Variants in NCAPG observed in about 807,000 individuals in gnomAD.
NCAPG encodes non-SMC condensin I complex subunit G.
A neutral mutation model predicts 113.1 loss-of-function variants in NCAPG; 69 were observed. The ratio of observed to expected loss-of-function variants is 0.61; its 90% CI spans 0.50 to 0.75. The LOEUF is 0.75. Among genes scored for constraint, NCAPG ranks in the 30% least tolerant of loss-of-function variants. NCAPG has a pLI of 0.00. For synonymous variants in NCAPG, 370 were observed against 415.8 expected (o/e 0.89, Z 1.34); for missense variants, 1,058 against 1,177.0 (o/e 0.90, Z 1.48).
intron 8 of NCAPG, 137 bp downstream of exon 8, chr4:17,823,260 C>T: frequency 3.0e-6 from 2 of 675,838 alleles, no homozygotes; most frequent in Non-Finnish European, 4.8e-6. Flanking sequence ...TTCCCTTCTA[C>T]ATATTTCCAT....
At chr4:17,830,852 G>A (rs1208476666) in intron 12 of NCAPG, 145 bp from the exon 13 acceptor site, 6 of 740,776 alleles carry the variant, frequency 8.1e-6, no homozygotes, top group South Asian at 5.8e-5. Flanking sequence ...ATTTCAGGAA[G>A]GTCACTCTGG....
chr4:17,830,220 C>T (rs1721805651), intron 12 of NCAPG, among the ~76,000 whole-genome samples: 1 of 151,802 alleles, frequency 6.6e-6, no homozygotes, highest in Admixed American at 6.6e-5. Context: ...GGTGAAACCC[C>T]ATCTCTGCAA....
chr4:17,839,560 T>A (rs1045350849), intron 16 of NCAPG, 116 bp from the exon 17 acceptor site: 2 of 748,000 alleles, frequency 2.7e-6, no homozygotes, highest in African/African-American at 3.7e-5. Flanking sequence ...GTTTTAGACA[T>A]TTTATATTTG....
chr4:17,843,799 A>C lies in NCAPG; in HGVS notation c.*374A>C, dbSNP rs1228949257. On this transcript the variant is annotated 3_prime_UTR_variant, in exon 21 of 21. Coordinates refer to ENST00000251496, the MANE Select transcript of NCAPG (RefSeq NM_022346.5). ...GAAGCTTATGACTTAGATGGGCAGA[A>C]TCAACAAAGATGAAACCGCCTGAGG... 1 of 157,542 alleles carries C rather than the reference A, an allele frequency of 6.3e-6. No individual in the cohort carries two copies. The highest frequency in any genetic ancestry group is 2.4e-5 in the African/African-American group (1 of 41,542). The allele number at this position is 157,542 out of a possible 1,614,324, so 9.8% of individuals were successfully genotyped here.
Position 17,837,231 on chromosome 4 carries a change from A to T in NCAPG, c.2182A>T (p.Arg728Trp). ...GTTCTCTGGGCTTTTGGTCAGCAGC[A>T]GGATTCTTTCTCGTCTTATTTTGTT... ...LMFSGLLVSSRILSRLILLWY... is the reference protein window; with the variant it reads ...LMFSGLLVSSWILSRLILLWY... Residue 728 changes from arginine to tryptophan, a missense_variant, in exon 15 of 21, where the codon AGG becomes TGG. By Grantham distance (101) the Arg-to-Trp change is moderately radical. Coordinates refer to ENST00000251496, the MANE Select transcript of NCAPG (RefSeq NM_022346.5). The T allele has an allele frequency of 6.2e-7, 1 of 1,614,072 alleles. No homozygotes were observed.
intron 7 of NCAPG, among the ~76,000 whole-genome samples, chr4:17,821,604 T>C (rs1309219918): frequency 6.6e-6 from 1 of 151,440 alleles, no homozygotes; most frequent in African/African-American, 2.4e-5. Context: ...GCTGGGATTA[T>C]AGGTGCCTGC....
At chr4:17,826,986 A>C (rs1721680131) in intron 11 of NCAPG, among the ~76,000 whole-genome samples, 1 of 152,354 alleles carries the variant, frequency 6.6e-6, no homozygotes, top group South Asian at 2.1e-4. Context: ...ACTTGCCCAA[A>C]ATCACACAGA....
chr4:17,833,027 TC>T (rs1199342618), intron 13 of NCAPG, among the ~76,000 whole-genome samples: 1 of 152,162 alleles, frequency 6.6e-6, no homozygotes, highest in African/African-American at 2.4e-5. Context: ...ATTTATTTGT[TC>T]TAAAAGCCAA....
intron 14 of NCAPG, 33 bp from the exon 15 acceptor site, chr4:17,837,126 T>C (rs755265795): frequency 6.3e-7 from 1 of 1,597,206 alleles, no homozygotes; most frequent in East Asian, 2.2e-5. Context: ...GAGATACAAA[T>C]AAATTTCTTC....
At position 17,814,802 on chromosome 4, in the gene NCAPG, T is replaced by C. The variant is rs940520075; in HGVS notation, c.545-51T>C. ...CAAAATGTGTGTTATTTTATGACTGTAGTTAAATAAATAATTTCATCAGTA... is the reference window on the plus strand; with the variant it reads ...CAAAATGTGTGTTATTTTATGACTGCAGTTAAATAAATAATTTCATCAGTA... On this transcript the variant is annotated intron_variant, in intron 3 of 20. Transcript: ENST00000251496. The C allele has an allele frequency of 2.0e-6, 3 of 1,534,488 alleles. No individual in the cohort carries two copies. The African/African-American group carries it at 4.1e-5, about 21-fold the overall frequency.
In NCAPG at chr4:17,812,908, C is replaced by T. The variant is rs779967356; in HGVS notation, c.316-9C>T. On this transcript the variant is annotated splice_polypyrimidine_tract_variant and intron_variant, in intron 2 of 20. Coordinates refer to ENST00000251496, the MANE Select transcript of NCAPG (RefSeq NM_022346.5). The stretch of plus-strand genomic sequence containing the variant: ...ACTATGAATAAATTTTGATTTGTTT[C>T]TGTTTTAGTCTCATGAAGCAAACAG... 4.4e-6 allele frequency: 7 copies of T among 1,608,408 alleles called. No individual in the cohort carries two copies. The highest frequency in any genetic ancestry group is 6.0e-6 in the Non-Finnish European group (7 of 1,175,636).
chr4:17,814,831 A>C lies in NCAPG; in HGVS notation c.545-22A>C, dbSNP rs777665963. 1.4e-5 allele frequency: 23 copies of C among 1,605,920 alleles called. No individual in the cohort carries two copies. The South Asian group carries it at 2.3e-4, about 16-fold the overall frequency. On this transcript the variant is annotated intron_variant, in intron 3 of 20. Transcript: ENST00000251496. ...TAAATAAATAATTTCATCAGTACTA[A>C]AATGTATTGCTTTATTTTTAGCATA...
intron 5 of NCAPG, 104 bp downstream of exon 5, chr4:17,815,462 GTCCCA>G (rs1316631309): frequency 1.4e-6 from 1 of 734,234 alleles, no homozygotes; most frequent in African/African-American, 1.9e-5. Context: ...AAGCCTGCCA[GTCCCA>G]TGAACCTGGT....
At chr4:17,815,162 C>A in intron 4 of NCAPG, 112 bp from the exon 5 acceptor site, 1 of 1,231,070 alleles carries the variant, frequency 8.1e-7, no homozygotes, top group Non-Finnish European at 1.1e-6. Context: ...AGTATGTTAC[C>A]AGGTATTAAT....
At chr4:17,832,260 T>C (rs1721893551) in intron 13 of NCAPG, among the ~76,000 whole-genome samples, 1 of 152,302 alleles carries the variant, frequency 6.6e-6, no homozygotes, top group South Asian at 2.1e-4. Context: ...GCAGGGATAC[T>C]AATAAGGAGG....
At chr4:17,820,412 C>T (rs1189001827) in intron 7 of NCAPG, among the ~76,000 whole-genome samples, 1 of 151,970 alleles carries the variant, frequency 6.6e-6, no homozygotes, top group Non-Finnish European at 1.5e-5. Context: ...CCATCCTAGC[C>T]AACATAGTGA....
In NCAPG at chr4:17,812,324, C is replaced by T; in HGVS notation, c.215C>T (p.Ala72Val). Residue 72 changes from alanine (A) to valine (V), a missense_variant, in exon 2 of 21, where the codon GCA becomes GTA. Transcript: ENST00000251496. Reference protein sequence around the residue: ...EPAVERVIEFAAKFVTSFHQS... With the variant: ...EPAVERVIEFVAKFVTSFHQS... ...GCTGTGGAGAGGGTAATAGAATTTGCAGCAAAGTTTGTTACCTCATTTCAC... is the reference window on the plus strand; with the variant it reads ...GCTGTGGAGAGGGTAATAGAATTTGTAGCAAAGTTTGTTACCTCATTTCAC... 1 of 1,613,638 alleles carries T rather than the reference C, an allele frequency of 6.2e-7. No individual in the cohort carries two copies. The highest frequency in any genetic ancestry group is 1.3e-5 in the African/African-American group (1 of 74,972).
At position 17,815,101 on chromosome 4, in the gene NCAPG, T is replaced by C. The variant is rs987903923; in HGVS notation, c.690+103T>C. 67 of 1,479,188 alleles carry C rather than the reference T, an allele frequency of 4.5e-5. No homozygotes were observed. In the Middle Eastern group the frequency reaches 1.8e-3, roughly 39 times the overall value. The allele number at this position is 1,479,188 out of a possible 1,614,324, so 91.6% of individuals were successfully genotyped here. A position where few individuals can be genotyped will look rare whatever the true frequency, so the allele number is the denominator to read the frequency against. On this transcript the variant is annotated intron_variant, in intron 4 of 20. Coordinates refer to ENST00000251496, the MANE Select transcript of NCAPG (RefSeq NM_022346.5). ...ACTTGGCATGTAATAATTTCTTCAG[T>C]TGAGGTTTTATGGAGAACACAGGTA...
Position 17,822,887 on chromosome 4 carries a change from G to C in NCAPG, c.1119-96G>C. ...CATAGATATGTATTTAGACGAATATGACCTGAAAATGGCCCTTTTCTGACC... is the reference window on the plus strand; with the variant it reads ...CATAGATATGTATTTAGACGAATATCACCTGAAAATGGCCCTTTTCTGACC... On this transcript the variant is annotated intron_variant, in intron 7 of 20. Coordinates refer to ENST00000251496, the MANE Select transcript of NCAPG (RefSeq NM_022346.5). 5.5e-6 allele frequency: 5 copies of C among 915,054 alleles called. No homozygotes were observed. In the South Asian group the frequency reaches 9.9e-5, roughly 18 times the overall value. The allele number at this position is 915,054 out of a possible 1,614,324, so 56.7% of individuals were successfully genotyped here.
Sources: allele counts gnomAD v4.1 joint callset (sites outside exome capture counted in the v4.1 genomes callset), GRCh38; gene constraint gnomAD v4.1.1; transcripts MANE v1.5; gene names NCBI Gene and HGNC (gene_info 2026-07-23, HGNC 2026-07-21).